Variants in CCSER1 observed in about 807,000 individuals in gnomAD.
CCSER1 encodes the protein coiled-coil serine rich protein 1.
In CCSER1, 41 loss-of-function variants were observed where a neutral mutation model predicts 82.0. The ratio of observed to expected loss-of-function variants is 0.50; its 90% CI spans 0.39 to 0.65. The LOEUF is 0.65. Among genes scored for constraint, CCSER1 ranks in the 30% least tolerant of loss-of-function variants. The pLI is 0.00. For missense variants in CCSER1, 1,119 were observed against 1,064.2 expected (o/e 1.05, Z -0.72); for synonymous variants, 414 against 383.9 (o/e 1.08, Z -0.92).
At chr4:90,649,011 C>T (rs1728232290) in intron 6 of CCSER1, among the ~76,000 whole-genome samples, 1 of 152,152 alleles carries the variant, frequency 6.6e-6, no homozygotes, top group Non-Finnish European at 1.5e-5. Flanking sequence ...GGCGATAAGG[C>T]TTGACAGCTT....
chr4:90,139,766 A>G (rs1274288505), intron 1 of CCSER1, among the ~76,000 whole-genome samples: 6 of 152,146 alleles, frequency 3.9e-5, no homozygotes, highest in African/African-American at 1.4e-4. Flanking sequence ...CAGCCTGGAC[A>G]ACATGATGAA....
At position 91,590,801 on chromosome 4, in the gene CCSER1, G is replaced by T. The variant is rs140351358; in HGVS notation, c.2218-7771G>T. 3.2e-3 allele frequency among the ~76,000 whole-genome samples: 488 copies of T among 152,138 alleles called. 1 individual carries two copies. Among genetic ancestry groups the T allele is most frequent in the Non-Finnish European group, 4.9e-3 (336 of 68,002 alleles). On this transcript the variant is annotated intron_variant, in intron 10 of 10. Coordinates refer to ENST00000509176, the MANE Select transcript of CCSER1 (RefSeq NM_001145065.2). ...AATAATTATAAGGGCCCAGAAGAAT[G>T]CCTGGTATATAATAAGGATTATATG...
intron 1 of CCSER1, among the ~76,000 whole-genome samples, chr4:90,197,607 A>T (rs564383017): frequency 6.6e-6 from 1 of 152,288 alleles, no homozygotes; most frequent in East Asian, 1.9e-4. Context: ...CCATAAAAAG[A>T]ATGAGATCCT....
intron 8 of CCSER1, among the ~76,000 whole-genome samples, chr4:90,816,419 C>T (rs1260450486): frequency 6.6e-6 from 1 of 152,034 alleles, no homozygotes. Context: ...AGGAATTACA[C>T]TTTCATAATA....
At chr4:91,383,758 T>C (rs1437914616) in intron 10 of CCSER1, among the ~76,000 whole-genome samples, 1 of 152,168 alleles carries the variant, frequency 6.6e-6, no homozygotes, top group African/African-American at 2.4e-5. Context: ...AAGATTAAAA[T>C]ATATTAAGTG....
rs150822798 is a variant in CCSER1, at chr4:90,458,739, A to G, written c.1604-9495A>G. Among the ~76,000 whole-genome samples, 615 of 152,320 alleles carry G rather than the reference A, an allele frequency of 4.0e-3. 6 individuals carry two copies. The highest frequency in any genetic ancestry group is 0.014 in the African/African-American group (585 of 41,558). ...AAGTCATAAACCTTCTATGTGAACT[A>G]CTTAGAAGGAGCAGACTACAGATGA... is the stretch of plus-strand genomic sequence containing the variant. On this transcript the variant is annotated intron_variant, in intron 4 of 10. Coordinates refer to ENST00000509176, the MANE Select transcript of CCSER1 (RefSeq NM_001145065.2).
chr4:90,882,773 G>T (rs750684708), intron 8 of CCSER1, among the ~76,000 whole-genome samples: 1 of 151,582 alleles, frequency 6.6e-6, no homozygotes. Context: ...ACAAAGCCAG[G>T]CTTCCCCCCT....
intron 8 of CCSER1, among the ~76,000 whole-genome samples, chr4:90,881,396 A>G (rs529684016): frequency 6.6e-6 from 1 of 152,314 alleles, no homozygotes; most frequent in African/African-American, 2.4e-5. Flanking sequence ...GGGAATAGAA[A>G]GAAAACTCCC....
intron 1 of CCSER1, among the ~76,000 whole-genome samples, chr4:90,301,222 AT>A (rs1277865150): frequency 1.3e-5 from 2 of 152,152 alleles, no homozygotes; most frequent in Non-Finnish European, 2.9e-5. Context: ...CCATATCCAA[AT>A]TATGAATCAT....
chr4:90,260,458 A>G (rs950471188), intron 1 of CCSER1, among the ~76,000 whole-genome samples: 1 of 152,152 alleles, frequency 6.6e-6, no homozygotes, highest in South Asian at 2.1e-4. Flanking sequence ...ATATAGGTTT[A>G]GGATTGTAAT....
intron 9 of CCSER1, among the ~76,000 whole-genome samples, chr4:90,975,669 T>C (rs6823119): frequency 0.28 from 42,960 of 150,934 alleles, 6,555 homozygotes; most frequent in Non-Finnish European, 0.32. Flanking sequence ...ATCATTGTCA[T>C]TGTTATTTTT....
At chr4:91,137,012 C>CTT (rs33996386) in intron 10 of CCSER1, among the ~76,000 whole-genome samples, 94,929 of 149,122 alleles carry the variant, frequency 0.64, 31,436 homozygotes, top group Non-Finnish European at 0.76. Context: ...TATAAAAATT[C>CTT]TTTTTTTTTT....
intron 6 of CCSER1, among the ~76,000 whole-genome samples, chr4:90,687,276 A>G (rs909375293): frequency 2.6e-5 from 4 of 152,108 alleles, no homozygotes; most frequent in Non-Finnish European, 5.9e-5. Flanking sequence ...CATTTAATAG[A>G]TAGAACAAAT....
At chr4:90,942,986 C>T (rs952793976) in intron 9 of CCSER1, among the ~76,000 whole-genome samples, 3 of 147,938 alleles carry the variant, frequency 2.0e-5, no homozygotes, top group African/African-American at 7.5e-5. Context: ...ATTCCCTCAC[C>T]CCTGTAAGGA....
chr4:90,828,723 T>A (rs1410978427), intron 8 of CCSER1, among the ~76,000 whole-genome samples: 1 of 152,154 alleles, frequency 6.6e-6, no homozygotes, highest in Non-Finnish European at 1.5e-5. Context: ...CTCTCATTGG[T>A]GGGCTCCTTA....
rs537424113 is a variant in CCSER1 at position 90,178,301 on chromosome 4, T to G, written c.-42+50470T>G. Among the ~76,000 whole-genome samples the G allele has an allele frequency of 1.5e-3, 228 of 152,224 alleles. 2 individuals are homozygous for G. Among genetic ancestry groups the G allele is most frequent in the African/African-American group, 5.3e-3 (220 of 41,550 alleles). On this transcript the variant is annotated intron_variant, in intron 1 of 10. Coordinates refer to ENST00000509176, the MANE Select transcript of CCSER1 (RefSeq NM_001145065.2). ...TTTAAAATGAAGCTTATTGAAATTA[T>G]AGTAAAAATACAGTAACAGGGAAAA...
Position 90,236,958 on chromosome 4 carries a change from A to C in CCSER1, c.-41-71286A>C, listed in dbSNP as rs567311035. 5.8e-4 allele frequency among the ~76,000 whole-genome samples: 88 copies of C among 152,248 alleles called. 1 individual carries two copies. Among genetic ancestry groups the C allele is most frequent in the African/African-American group, 2.1e-3 (87 of 41,562 alleles). On this transcript the variant is annotated intron_variant, in intron 1 of 10. Transcript: ENST00000509176. Reference sequence around the variant, plus strand: ...AGTTGGAATGAAAGAAAAATGTGTTAGTATATGATTCATAAAAAACAAACC... The same window carrying C: ...AGTTGGAATGAAAGAAAAATGTGTTCGTATATGATTCATAAAAAACAAACC...
At chr4:91,193,535 TAATG>T (rs1735171043) in intron 10 of CCSER1, among the ~76,000 whole-genome samples, 1 of 152,140 alleles carries the variant, frequency 6.6e-6, no homozygotes, top group African/African-American at 2.4e-5. Context: ...TTTATAATAA[TAATG>T]GGGGCATATT....
At chr4:91,199,992 T>C (rs1735779036) in intron 10 of CCSER1, among the ~76,000 whole-genome samples, 1 of 152,030 alleles carries the variant, frequency 6.6e-6, no homozygotes, top group African/African-American at 2.4e-5. Context: ...TTAGTACTAA[T>C]TAAAACATTC....
Sources: allele counts gnomAD v4.1 joint callset (sites outside exome capture counted in the v4.1 genomes callset), GRCh38; gene constraint gnomAD v4.1.1; transcripts MANE v1.5; gene names NCBI Gene and HGNC (gene_info 2026-07-23, HGNC 2026-07-21).